The following LRFN2 variants were observed in gnomAD, a reference collection of about 807,000 sequenced individuals.
LRFN2 encodes leucine-rich repeat and fibronectin type-III domain-containing protein 2.
In LRFN2, 18 loss-of-function variants were observed where a neutral mutation model predicts 37.3. That is an observed-to-expected ratio of 0.48 (90% CI 0.33 to 0.72). The LOEUF (loss-of-function observed/expected upper bound fraction) is 0.72, where lower values mean the gene tolerates loss of function less well. Ranked by LOEUF, LRFN2 falls within the 30% of genes least tolerant of loss-of-function variation. LRFN2 has a pLI of 0.02. For synonymous variants in LRFN2, 556 were observed against 466.6 expected (o/e 1.19, Z -2.47); for missense variants, 1,006 against 1,060.7 (o/e 0.95, Z 0.72).
chr6:40,423,135 G>A (rs1763267812), intron 2 of LRFN2, among the ~76,000 whole-genome samples: 1 of 152,154 alleles, frequency 6.6e-6, no homozygotes, highest in African/African-American at 2.4e-5. Flanking sequence ...TCTCCCCTAT[G>A]CACAAACCTC....
intron 2 of LRFN2, among the ~76,000 whole-genome samples, chr6:40,398,405 G>A (rs1227613662): frequency 3.3e-5 from 5 of 151,958 alleles, no homozygotes; most frequent in Non-Finnish European, 5.9e-5. Context: ...CTTCTCTGCC[G>A]CCGACCTTCT....
rs1763518508 is a variant in LRFN2, at chr6:40,432,309, C to G, written c.805G>C (p.Gly269Arg). 6.2e-7 allele frequency: 1 copy of G among 1,614,022 alleles called. No individual in the cohort carries two copies. The highest frequency in any genetic ancestry group is 1.3e-5 in the African/African-American group (1 of 74,948). The change falls in exon 2 of 3, where the codon GGG becomes CGG. Residue 269 changes from glycine (G) to arginine (R), a missense_variant. Gly to Arg is a moderately radical substitution (Grantham distance 125). Around this residue, in one of 4 missense-constraint regions of LRFN2, gnomAD observed 303 missense variants for 299.8 expected, o/e 1.01. Transcript: ENST00000338305. ...CAGAAGTAGCGACCCTTGAGGCCCC[C>G]TGGGGAGCCACAGGTTTCCAGGTCA... is the stretch of plus-strand genomic sequence containing the variant. ...DDDLETCGSP[G>R]GLKGRYFWHV...
At chr6:40,506,665 T>C (rs1252088309) in intron 1 of LRFN2, among the ~76,000 whole-genome samples, 1 of 152,152 alleles carries the variant, frequency 6.6e-6, no homozygotes, top group African/African-American at 2.4e-5. Context: ...GCCCCCGTTG[T>C]TAAGCCTCAC....
intron 1 of LRFN2, among the ~76,000 whole-genome samples, chr6:40,519,485 G>A (rs1765987011): frequency 6.6e-6 from 1 of 152,238 alleles, no homozygotes; most frequent in South Asian, 2.1e-4. Flanking sequence ...TAAAGTGGAA[G>A]TGATGTACAG....
intron 1 of LRFN2, among the ~76,000 whole-genome samples, chr6:40,571,225 G>C (rs1767180931): frequency 6.6e-6 from 1 of 152,238 alleles, no homozygotes; most frequent in African/African-American, 2.4e-5. Flanking sequence ...CTGTCACCTA[G>C]CAGCTGACCA....
At chr6:40,482,685 T>C (rs1433732) in intron 1 of LRFN2, among the ~76,000 whole-genome samples, 152,069 of 152,346 alleles carry the variant, frequency 1, 75,897 homozygotes, top group Middle Eastern at 1. Flanking sequence ...CCTCAGCAGC[T>C]TCCCCCACTG....
At chr6:40,535,472 T>A (rs1766431433) in intron 1 of LRFN2, among the ~76,000 whole-genome samples, 1 of 152,148 alleles carries the variant, frequency 6.6e-6, no homozygotes, top group Non-Finnish European at 1.5e-5. Context: ...GCCTTGGTGT[T>A]CCTTGGGGGT....
At position 40,430,073 on chromosome 6, in the gene LRFN2, A is replaced by T. The variant is rs555631676; in HGVS notation, c.1400+1641T>A. On this transcript the variant is annotated intron_variant, in intron 2 of 2. Transcript: ENST00000338305. Reference sequence around the variant, plus strand: ...GACTATGACTTTTATAGTGAGAAAAATACATATATGCATATTTAAGTTTGA... The same window carrying T: ...GACTATGACTTTTATAGTGAGAAAATTACATATATGCATATTTAAGTTTGA... Among the ~76,000 whole-genome samples the T allele has an allele frequency of 4.6e-5, 7 of 152,286 alleles. No individual in the cohort carries two copies. The South Asian group carries it at 1.5e-3, about 32-fold the overall frequency.
At chr6:40,495,322 T>C (rs1428522766) in intron 1 of LRFN2, among the ~76,000 whole-genome samples, 3 of 152,218 alleles carry the variant, frequency 2.0e-5, no homozygotes, top group Non-Finnish European at 1.5e-5. Context: ...CTGAAAAACA[T>C]GGCTCCCTAT....
chr6:40,441,442 G>T (rs1224266244), intron 1 of LRFN2, among the ~76,000 whole-genome samples: 8 of 152,184 alleles, frequency 5.3e-5, no homozygotes, highest in Admixed American at 5.2e-4. Flanking sequence ...TCTCTTGATG[G>T]AGGGCTGTGT....
intron 1 of LRFN2, among the ~76,000 whole-genome samples, chr6:40,484,286 G>A (rs1005395760): frequency 2.0e-5 from 3 of 152,176 alleles, no homozygotes; most frequent in African/African-American, 2.4e-5. Flanking sequence ...CTCTCATTTC[G>A]GAGGCCTCTG....
intron 1 of LRFN2, among the ~76,000 whole-genome samples, chr6:40,453,539 CA>C (rs1764165470): frequency 1.3e-5 from 2 of 150,432 alleles, no homozygotes; most frequent in East Asian, 2.0e-4. Context: ...CACACACACA[CA>C]CACACACACA....
At chr6:40,521,105 G>T (rs144059047) in intron 1 of LRFN2, among the ~76,000 whole-genome samples, 2 of 152,114 alleles carry the variant, frequency 1.3e-5, no homozygotes, top group Non-Finnish European at 2.9e-5. Flanking sequence ...CTGTGCAGCC[G>T]GAAGGAAAGA....
chr6:40,492,739 C>T (rs780261053), intron 1 of LRFN2, among the ~76,000 whole-genome samples: 1 of 152,060 alleles, frequency 6.6e-6, no homozygotes, highest in Non-Finnish European at 1.5e-5. Flanking sequence ...CAACAGGCCC[C>T]CAAGGAGGGC....
intron 2 of LRFN2, among the ~76,000 whole-genome samples, chr6:40,422,528 C>T (rs1027993550): frequency 6.6e-6 from 1 of 151,462 alleles, no homozygotes; most frequent in Non-Finnish European, 1.5e-5. Context: ...GCCCTGGACT[C>T]GGGGTCAGAA....
chr6:40,520,844 C>G lies in LRFN2; in HGVS notation c.-19+66097G>C, dbSNP rs1284517750. ...TGAATGTAGCTGGGGAGGCTGCCAACCCCATATCACCACCGAGCACCCTCA... is the reference window on the plus strand; with the variant it reads ...TGAATGTAGCTGGGGAGGCTGCCAAGCCCATATCACCACCGAGCACCCTCA... On this transcript the variant is annotated intron_variant, in intron 1 of 2. Coordinates refer to ENST00000338305, the MANE Select transcript of LRFN2 (RefSeq NM_020737.3). 2.0e-5 allele frequency among the ~76,000 whole-genome samples: 3 copies of G among 152,200 alleles called. No individual in the cohort carries two copies. In the East Asian group the frequency reaches 5.8e-4, roughly 29 times the overall value.
At chr6:40,445,587 G>A (rs759996079) in intron 1 of LRFN2, among the ~76,000 whole-genome samples, 1 of 152,178 alleles carries the variant, frequency 6.6e-6, no homozygotes, top group Non-Finnish European at 1.5e-5. Flanking sequence ...AAGATTCAAG[G>A]TATTGTGATT....
In LRFN2 at chr6:40,392,161, C is replaced by G; in HGVS notation, c.2152G>C (p.Ala718Pro). ...SLLPLPLEGK[A>P]KRSHSFDMGD... ...ATGTCGAAGGAGTGGCTGCGTTTGG[C>G]CTTGCCCTCCAACGGCAAGGGGAGC... The change falls in exon 3 of 3, where the codon GCC (alanine) becomes CCC (proline). Residue 718 changes from alanine to proline, a missense_variant. Around this residue, in one of 4 missense-constraint regions of LRFN2, gnomAD observed 398 missense variants for 327.6 expected, o/e 1.21. Coordinates refer to ENST00000338305, the MANE Select transcript of LRFN2 (RefSeq NM_020737.3). This position sits in a 1 kb window ranked among gnomAD's most constrained non-coding sequence, Gnocchi z 4.7. The G allele has an allele frequency of 1.2e-6, 2 of 1,603,604 alleles. No individual in the cohort carries two copies. Among genetic ancestry groups the G allele is most frequent in the Non-Finnish European group, 1.7e-6 (2 of 1,174,540 alleles).
chr6:40,577,195 G>A (rs1442016874), intron 1 of LRFN2, among the ~76,000 whole-genome samples: 3 of 151,448 alleles, frequency 2.0e-5, no homozygotes, highest in Non-Finnish European at 4.4e-5. Context: ...TCCACCTCCT[G>A]GGTTCAAGCG....
Sources: allele counts gnomAD v4.1 joint callset (sites outside exome capture counted in the v4.1 genomes callset), GRCh38; gene constraint gnomAD v4.1.1; regional missense constraint gnomAD v4.1.1; non-coding constraint Gnocchi (gnomAD v3.1); transcripts MANE v1.5; gene names NCBI Gene and HGNC (gene_info 2026-07-23, HGNC 2026-07-21).